FGD6: variants seen among roughly 807,000 people sequenced by gnomAD.
FGD6 encodes the protein FYVE, RhoGEF and PH domain containing 6.
In FGD6, 90 loss-of-function variants were observed where a neutral mutation model predicts 149.4. That is an observed-to-expected ratio of 0.60 (90% CI 0.51 to 0.72). FGD6 has a LOEUF of 0.72. FGD6 is among the 30% of genes least tolerant of loss of function. FGD6 has a pLI of 0.00. For synonymous variants in FGD6, 527 were observed against 584.0 expected (o/e 0.90, Z 1.41); for missense variants, 1,437 against 1,684.8 (o/e 0.85, Z 2.57).
intron 3 of FGD6, among the ~76,000 whole-genome samples, chr12:95,171,646 G>A (rs1415822225): frequency 6.6e-6 from 1 of 152,112 alleles, no homozygotes; most frequent in Non-Finnish European, 1.5e-5. Flanking sequence ...CTCCTGAGTG[G>A]CTGGGACTAC....
In FGD6 at chr12:95,169,387, C is replaced by CT. The variant is rs755905033; in HGVS notation, c.2586+3212dup. ...TCCATGATTAACTAAAGAAATAGTC[C>CT]TTTAAAAAAAAAAAGGATAAAAATT... On this transcript the variant is annotated intron_variant, in intron 3 of 20. Transcript: ENST00000343958. 5.9e-4 allele frequency among the ~76,000 whole-genome samples: 89 copies of CT among 150,622 alleles called. 1 individual carries two copies. Among genetic ancestry groups the CT allele is most frequent in the Non-Finnish European group, 7.2e-4 (49 of 67,612 alleles).
chr12:95,104,931 A>C, intron 14 of FGD6, 76 bp downstream of exon 14: 2 of 1,412,738 alleles, frequency 1.4e-6, no homozygotes, highest in Non-Finnish European at 1.9e-6. Flanking sequence ...CCAAAAACCA[A>C]AATTTTCCTG....
intron 13 of FGD6, among the ~76,000 whole-genome samples, chr12:95,105,665 T>C (rs1178293095): frequency 6.6e-6 from 1 of 152,238 alleles, no homozygotes; most frequent in Non-Finnish European, 1.5e-5. Flanking sequence ...ATAGTAGTTC[T>C]CAATAAATAT....
Position 95,211,194 on chromosome 12 carries a change from A to G in FGD6, c.90T>C (p.Ile30=), listed in dbSNP as rs1690040802. The change falls in exon 2 of 21, where the codon ATT becomes ATC. Residue 30 remains isoleucine (I), a synonymous_variant. Transcript: ENST00000343958. ...VANNKPAPPP[I]APKPDIVISS... is the part of the protein sequence containing the mutation. ...AAATCACAATGTCGGGTTTAGGTGC[A>G]ATAGGAGGTGGGGCTGGCTTATTAT... The G allele has an allele frequency of 6.2e-7, 1 of 1,613,730 alleles. No individual in the cohort carries two copies. The highest frequency in any genetic ancestry group is 8.5e-7 in the Non-Finnish European group (1 of 1,180,008).
At chr12:95,098,968 C>T (rs1878331565) in intron 14 of FGD6, among the ~76,000 whole-genome samples, 5 of 148,606 alleles carry the variant, frequency 3.4e-5, no homozygotes, top group Admixed American at 1.4e-4. Flanking sequence ...CTCCCAAGTT[C>T]AAGCAATTCT....
chr12:95,210,437 AAGT>A lies in FGD6; in HGVS notation c.844_846del (p.Thr282del). On this transcript the variant is annotated inframe_deletion, in exon 2 of 21. Coordinates refer to ENST00000343958, the MANE Select transcript of FGD6 (RefSeq NM_018351.4). ...TTACTAACTCCATCTGAAGATATTAAAGTACTCCTTTTCCCATTTTCCAGAGCC... is the reference window on the plus strand; with the variant it reads ...TTACTAACTCCATCTGAAGATATTAAACTCCTTTTCCCATTTTCCAGAGCC... The A allele has an allele frequency of 1.9e-6, 3 of 1,614,096 alleles. No homozygotes were observed. Among genetic ancestry groups the A allele is most frequent in the Non-Finnish European group, 2.5e-6 (3 of 1,180,028 alleles).
Position 95,080,241 on chromosome 12 carries a change from C to T in FGD6, c.*1279G>A, listed in dbSNP as rs1169797408. On this transcript the variant is annotated 3_prime_UTR_variant, in exon 21 of 21. Transcript: ENST00000343958. ...TGCTGAGATTGTAGGTGTGAGCCAC[C>T]GCTCATGGCAGTTAAGATAATTTAT... 6.6e-6 allele frequency: 1 copy of T among 152,078 alleles called. No individual in the cohort carries two copies. Among genetic ancestry groups the T allele is most frequent in the East Asian group, 1.9e-4 (1 of 5,200 alleles). The allele number at this position is 152,078 out of a possible 1,614,324, so 9.4% of individuals were successfully genotyped here.
intron 2 of FGD6, among the ~76,000 whole-genome samples, chr12:95,181,054 C>T (rs985821548): frequency 1.3e-5 from 2 of 152,018 alleles, no homozygotes; most frequent in African/African-American, 2.4e-5. Context: ...ATATAAATTA[C>T]GGCTTTCCCT....
At position 95,210,488 on chromosome 12, in the gene FGD6, A is replaced by G; in HGVS notation, c.796T>C (p.Cys266Arg). The G allele has an allele frequency of 9.3e-6, 15 of 1,614,020 alleles. No individual in the cohort carries two copies. Among genetic ancestry groups the G allele is most frequent in the Non-Finnish European group, 1.2e-5 (14 of 1,180,002 alleles). ...GCCTCTAGTTCAGATGACTGAAAGCAATTATTGCTTTTTTCACTGTCATCC... is the reference window on the plus strand; with the variant it reads ...GCCTCTAGTTCAGATGACTGAAAGCGATTATTGCTTTTTTCACTGTCATCC... ...CQDDSEKSNN[C>R]FQSSELEALE... is the part of the protein sequence containing the mutation. The change falls in exon 2 of 21, where the codon TGC (cysteine) becomes CGC (arginine). Residue 266 changes from cysteine to arginine, a missense_variant. Transcript: ENST00000343958.
intron 2 of FGD6, among the ~76,000 whole-genome samples, chr12:95,188,082 T>G (rs1881494528): frequency 1.3e-5 from 2 of 152,238 alleles, no homozygotes; most frequent in Admixed American, 1.3e-4. Flanking sequence ...TGAATGACAC[T>G]GATAAGCATA....
chr12:95,155,244 A>AG lies in FGD6; in HGVS notation c.2587-2252dup, dbSNP rs541595847. On this transcript the variant is annotated intron_variant, in intron 3 of 20. Transcript: ENST00000343958. ...ATTTAGATTTTTAAAAACTGTAATC[A>AG]GGCCGGGCGCACTGGCTCACACCTG... 5.1e-4 allele frequency among the ~76,000 whole-genome samples: 77 copies of AG among 152,278 alleles called. 1 individual carries two copies. The South Asian group carries it at 0.012, about 25-fold the overall frequency.
At chr12:95,181,996 A>C (rs774205027) in intron 2 of FGD6, among the ~76,000 whole-genome samples, 8 of 152,060 alleles carry the variant, frequency 5.3e-5, no homozygotes, top group Non-Finnish European at 8.8e-5. Flanking sequence ...CATTGCACCA[A>C]AGATGATGTT....
chr12:95,181,685 G>GGC (rs148935267), intron 2 of FGD6, among the ~76,000 whole-genome samples: 23,244 of 152,204 alleles, frequency 0.15, 1,858 homozygotes, highest in African/African-American at 0.18. Context: ...TGGGCACAGT[G>GGC]GCTCACGCCT....
chr12:95,138,612 G>GT (rs1592848111), intron 6 of FGD6, among the ~76,000 whole-genome samples: 1 of 150,300 alleles, frequency 6.7e-6, no homozygotes, highest in East Asian at 1.9e-4. Context: ...TCTGACCCCT[G>GT]TCACACTTCT....
chr12:95,100,622 G>C, intron 14 of FGD6: 1 of 516,434 alleles, frequency 1.9e-6, no homozygotes, highest in Non-Finnish European at 3.9e-6. Flanking sequence ...TCCCACCCTT[G>C]GGACTCTAAA....
At chr12:95,099,042 A>G (rs941395866) in intron 14 of FGD6, among the ~76,000 whole-genome samples, 7 of 151,902 alleles carry the variant, frequency 4.6e-5, no homozygotes, top group South Asian at 2.1e-4. Context: ...GCTAATTTTT[A>G]TATTTTAATG....
At position 95,114,443 on chromosome 12, in the gene FGD6, TACACACACACACACAC is replaced by T. The variant is rs60238488; in HGVS notation, c.3083-758_3083-743del. Among the ~76,000 whole-genome samples the T allele has an allele frequency of 2.1e-3, 260 of 125,426 alleles. 3 individuals carry two copies. The highest frequency in any genetic ancestry group is 8.6e-3 in the South Asian group (31 of 3,592). The allele number at this position is 125,426 out of a possible 152,430, so 82.3% of individuals were successfully genotyped here. Reference sequence around the variant, plus strand: ...CAACATGGGGAAACCCCATCTCTACTACACACACACACACACACACACACACACACACACACACACA... The same window carrying T: ...CAACATGGGGAAACCCCATCTCTACTACACACACACACACACACACACACA... On this transcript the variant is annotated intron_variant, in intron 8 of 20. Coordinates refer to ENST00000343958, the MANE Select transcript of FGD6 (RefSeq NM_018351.4).
intron 2 of FGD6, among the ~76,000 whole-genome samples, chr12:95,191,698 T>C (rs140444400): frequency 4.6e-5 from 7 of 152,294 alleles, no homozygotes; most frequent in African/African-American, 1.7e-4. Context: ...TATAAAATGG[T>C]ATGGTACTTG....
intron 2 of FGD6, among the ~76,000 whole-genome samples, chr12:95,185,265 C>T (rs910804295): frequency 6.6e-6 from 1 of 151,864 alleles, no homozygotes; most frequent in South Asian, 2.1e-4. Context: ...GATTGGGAAA[C>T]CAAAAAAAAT....
Sources: allele counts gnomAD v4.1 joint callset (sites outside exome capture counted in the v4.1 genomes callset), GRCh38; gene constraint gnomAD v4.1.1; transcripts MANE v1.5; gene names NCBI Gene and HGNC (gene_info 2026-07-23, HGNC 2026-07-21).